Variants in C5orf47 observed in about 807,000 individuals in gnomAD.
C5orf47 encodes uncharacterized protein C5orf47.
Under a neutral mutation model 20.6 loss-of-function variants are expected in C5orf47, and 20 were observed. That is an observed-to-expected ratio of 0.97 (90% CI 0.68 to 1.41). The LOEUF is 1.41. C5orf47 is among the 40% of genes most tolerant of loss of function. C5orf47 has a pLI of 0.00. For missense variants in C5orf47, 262 were observed against 238.4 expected (o/e 1.10, Z -0.65); for synonymous variants, 106 against 97.3 (o/e 1.09, Z -0.53).
At position 174,001,239 on chromosome 5, in the gene C5orf47, T is replaced by G; in HGVS notation, c.*16+8T>G. 1 of 1,366,918 alleles carries G rather than the reference T, an allele frequency of 7.3e-7. No homozygotes were observed. Among genetic ancestry groups the G allele is most frequent in the Non-Finnish European group, 1.0e-6 (1 of 985,260 alleles). 84.7% of individuals were successfully genotyped at this position (1,366,918 alleles called of 1,614,324 possible). On this transcript the variant is annotated splice_region_variant and intron_variant, in intron 4 of 4. Coordinates refer to ENST00000340147, the MANE Select transcript of C5orf47 (RefSeq NM_001144954.2). ...GAATCTTCTTATCTTCTGGTAAGAA[T>G]TTATTTACGTAATAATTATGGAATA... is the stretch of plus-strand genomic sequence containing the variant.
At chr5:174,006,143 G>C (rs1759290559), downstream of C5orf47, 1 of 152,330 alleles carries the variant, frequency 6.6e-6, no homozygotes, top group African/African-American at 2.4e-5. Flanking sequence ...AGACTGCATT[G>C]TGGTCCTGCC....
At chr5:173,992,110 T>C (rs1401736038) in intron 1 of C5orf47, among the ~76,000 whole-genome samples, 1 of 151,776 alleles carries the variant, frequency 6.6e-6, no homozygotes, top group Non-Finnish European at 1.5e-5. Context: ...TAGTGTCTTA[T>C]GATGTTTAAA....
chr5:173,999,842 T>C, intron 3 of C5orf47, 43 bp downstream of exon 3: 2 of 1,042,052 alleles, frequency 1.9e-6, no homozygotes, highest in Non-Finnish European at 2.8e-6. Flanking sequence ...GACTGGCCTC[T>C]GTAACAGTTT....
chr5:173,999,405 A>G (rs1020725348), intron 2 of C5orf47, among the ~76,000 whole-genome samples: 3 of 152,202 alleles, frequency 2.0e-5, no homozygotes, highest in Non-Finnish European at 2.9e-5. Flanking sequence ...GGAATGTGTT[A>G]GAATTGATTA....
rs201509743 is a variant in C5orf47, at chr5:173,989,492, G to T, written c.229G>T (p.Val77Phe). 3.2e-3 allele frequency: 4,893 copies of T among 1,547,032 alleles called. 67 individuals are homozygous for T. Among genetic ancestry groups the T allele is most frequent in the South Asian group, 0.029 (2,429 of 83,488 alleles). Residue 77 changes from valine (V) to phenylalanine (F), a missense_variant, in exon 1 of 5, where the codon GTC becomes TTC. Transcript: ENST00000340147. ...SELPLGSQLR[V>F]PTTPGVEAAA... Reference sequence around the variant, plus strand: ...GCTGCCCCTCGGTTCCCAGCTCAGGGTCCCCACGACCCCTGGTGTGGAGGC... The same window carrying T: ...GCTGCCCCTCGGTTCCCAGCTCAGGTTCCCCACGACCCCTGGTGTGGAGGC...
rs1374190110 is a variant in C5orf47 at position 174,004,801 on chromosome 5, A to G, written c.*547A>G. ...TAATGATTATTTAAGCCATCTTTTC[A>G]TCCTAAGGAAAATTAGTAAATGTAT... On this transcript the variant is annotated 3_prime_UTR_variant, in exon 5 of 5. Transcript: ENST00000340147. The G allele has an allele frequency of 6.6e-6, 1 of 152,236 alleles. No homozygotes were observed. The highest frequency in any genetic ancestry group is 2.1e-4 in the South Asian group (1 of 4,830). The allele number at this position is 152,236 out of a possible 1,614,324, so 9.4% of individuals were successfully genotyped here. A position where few individuals can be genotyped will look rare whatever the true frequency, so the allele number is the denominator to read the frequency against.
intron 1 of C5orf47, among the ~76,000 whole-genome samples, chr5:173,993,056 AT>A (rs569255212): frequency 6.6e-6 from 1 of 151,366 alleles, no homozygotes; most frequent in Non-Finnish European, 1.5e-5. Flanking sequence ...TTATTTATTT[AT>A]TTTTTTTACT....
chr5:174,008,442 G>A (rs1368621801), downstream of C5orf47, among the ~76,000 whole-genome samples: 5 of 152,210 alleles, frequency 3.3e-5, no homozygotes. Context: ...GAGAAAAGAT[G>A]TAGTATGTTG....
chr5:174,001,481 C>G (rs1368343675), intron 4 of C5orf47, among the ~76,000 whole-genome samples: 3 of 152,010 alleles, frequency 2.0e-5, no homozygotes, highest in Non-Finnish European at 4.4e-5. Context: ...TTTCCTTCTT[C>G]TTCTTTTTCT....
At chr5:174,008,733 T>G (rs1175228289), downstream of C5orf47, among the ~76,000 whole-genome samples, 1 of 147,084 alleles carries the variant, frequency 6.8e-6, no homozygotes, top group Non-Finnish European at 1.5e-5. Flanking sequence ...CTCGGGAGGC[T>G]GAGGCAGGAG....
At chr5:173,999,622 G>A (rs909991713) in intron 2 of C5orf47, 78 bp from the exon 3 acceptor site, 1 of 590,366 alleles carries the variant, frequency 1.7e-6, no homozygotes, top group Non-Finnish European at 2.9e-6. Flanking sequence ...ACACAGTTGA[G>A]GCATTCCCAG....
At chr5:173,990,399 G>T (rs1561645796) in intron 1 of C5orf47, among the ~76,000 whole-genome samples, 1 of 151,952 alleles carries the variant, frequency 6.6e-6, no homozygotes. Context: ...GGGATTACAT[G>T]CATGAGCCAC....
chr5:173,989,726 A>G (rs1758950774), intron 1 of C5orf47, 138 bp downstream of exon 1: 5 of 762,532 alleles, frequency 6.6e-6, no homozygotes, highest in Admixed American at 4.2e-5. Context: ...GAGCACGCGC[A>G]GGGGCGAAGG....
rs1392949935 is a variant in C5orf47, at chr5:174,005,841, TAA to T, written c.*1588_*1589del. On this transcript the variant is annotated 3_prime_UTR_variant, in exon 5 of 5. Transcript: ENST00000340147. Reference sequence around the variant, plus strand: ...ATATCAATATTTGTTAGATTTAAAATAAGAGTCTAATGCTGGATACAAACTCA... The same window carrying T: ...ATATCAATATTTGTTAGATTTAAAATGAGTCTAATGCTGGATACAAACTCA... 1 of 152,338 alleles carries T rather than the reference TAA, an allele frequency of 6.6e-6. No homozygotes were observed. The highest frequency in any genetic ancestry group is 6.5e-5 in the Admixed American group (1 of 15,286). 9.4% of individuals were successfully genotyped at this position (152,338 alleles called of 1,614,324 possible). A position where few individuals can be genotyped will look rare whatever the true frequency, so the allele number is the denominator to read the frequency against.
downstream of C5orf47, among the ~76,000 whole-genome samples, chr5:174,009,411 T>C (rs1759338976): frequency 6.6e-6 from 1 of 152,228 alleles, no homozygotes; most frequent in South Asian, 2.1e-4. Context: ...TTTTTTATAT[T>C]CTTGAAACGA....
intron 3 of C5orf47, 74 bp downstream of exon 3, chr5:173,999,873 A>G: frequency 2.8e-6 from 2 of 721,692 alleles, no homozygotes; most frequent in Non-Finnish European, 4.6e-6. Flanking sequence ...GGATTGCATG[A>G]GATCAGTAGT....
rs563653510 is a variant in C5orf47 at position 173,998,231 on chromosome 5, A to C, written c.404A>C (p.Lys135Thr). The C allele has an allele frequency of 1.3e-6, 2 of 1,505,352 alleles. No homozygotes were observed. Among genetic ancestry groups the C allele is most frequent in the Non-Finnish European group, 1.8e-6 (2 of 1,110,186 alleles). 93.2% of individuals were successfully genotyped at this position (1,505,352 alleles called of 1,614,324 possible). ...GAAGCTTCCAAAATAATGAAGAAAA[A>C]GAAAAAGGTATATTGCTGTAAAGGA... The part of the protein sequence containing the change: ...LNEASKIMKK[K>T]KKVLVWNRVY... Residue 135 changes from lysine (K) to threonine (T), a missense_variant, in exon 2 of 5, where the codon AAG (lysine) becomes ACG (threonine). Coordinates refer to ENST00000340147, the MANE Select transcript of C5orf47 (RefSeq NM_001144954.2).
At chr5:173,998,320 A>G (rs1759136648) in intron 2 of C5orf47, 82 bp downstream of exon 2, 1 of 728,664 alleles carries the variant, frequency 1.4e-6, no homozygotes, top group Non-Finnish European at 2.3e-6. Flanking sequence ...GATATTCAAG[A>G]CAGTGAAAAT....
rs753975589 is a variant in C5orf47, at chr5:173,989,223, C to A, written c.-41C>A. The stretch of plus-strand genomic sequence containing the variant: ...GTGGGCAGTCTGGCGCCTGTGGCGT[C>A]GTGTTTGCTGAGGGCCCGGCTGCCG... On this transcript the variant is annotated 5_prime_UTR_variant, in exon 1 of 5. Coordinates refer to ENST00000340147, the MANE Select transcript of C5orf47 (RefSeq NM_001144954.2). The A allele has an allele frequency of 4.0e-5, 55 of 1,364,516 alleles. No individual in the cohort carries two copies. The highest frequency in any genetic ancestry group is 7.2e-5 in the Admixed American group (2 of 27,934). The allele number at this position is 1,364,516 out of a possible 1,614,324, so 84.5% of individuals were successfully genotyped here.
Sources: allele counts gnomAD v4.1 joint callset (sites outside exome capture counted in the v4.1 genomes callset), GRCh38; gene constraint gnomAD v4.1.1; transcripts MANE v1.5; gene names NCBI Gene and HGNC (gene_info 2026-07-23, HGNC 2026-07-21).